The following LPL variants were observed in gnomAD, a reference collection of about 807,000 sequenced individuals.
LPL encodes the protein lipoprotein lipase.
A neutral mutation model predicts 52.2 loss-of-function variants in LPL; 43 were observed. The observed-to-expected ratio is 0.82, with a 90% CI of 0.64 to 1.06. The LOEUF (loss-of-function observed/expected upper bound fraction) is 1.06. Ranked by LOEUF, LPL falls within the 50% of genes least tolerant of loss-of-function variation. The probability of loss-of-function intolerance (pLI) is 0.00; values close to 1 mark genes in which losing one functional copy is unlikely to be tolerated. For synonymous variants in LPL, 244 were observed against 215.6 expected, an observed-to-expected ratio of 1.13 and a Z score of -1.15; for missense variants, 639 against 585.3, an observed-to-expected ratio of 1.09 and a Z score of -0.95.
At position 19,944,998 on chromosome 8, in the gene LPL, C is replaced by A. The variant is rs187658718; in HGVS notation, c.89-3182C>A. 5.7e-4 allele frequency among the ~76,000 whole-genome samples: 87 copies of A among 152,120 alleles called. No homozygotes were observed. The highest frequency in any genetic ancestry group is 2.0e-3 in the African/African-American group (83 of 41,490). On this transcript the variant is annotated intron_variant, in intron 1 of 9. Coordinates refer to ENST00000650287, the MANE Select transcript of LPL (RefSeq NM_000237.3). This position sits in a 1 kb window ranked among gnomAD's most constrained non-coding sequence, Gnocchi z 4.2. ...CTTCCCCTTCTTCCTTCCTTCCTTCCTTCCCTCCATCCCTCCCTCCTGTAC... is the reference window on the plus strand; with the variant it reads ...CTTCCCCTTCTTCCTTCCTTCCTTCATTCCCTCCATCCCTCCCTCCTGTAC...
At chr8:19,955,799 A>G (rs755438453) in intron 5 of LPL, 42 bp from the exon 6 acceptor site, 3 of 1,613,880 alleles carry the variant, frequency 1.9e-6, no homozygotes, top group Non-Finnish European at 2.5e-6. Context: ...CTCTTTGTGA[A>G]TTTCTGCCGA....
Position 19,965,753 on chromosome 8 carries a change from TTTTCC to T in LPL, c.*444_*448del. ...AAGTCTCCAAGAATACAGAAAATGC[TTTTCC>T]GCGGCACGAATCAGACTCATCTACA... On this transcript the variant is annotated 3_prime_UTR_variant, in exon 10 of 10. Coordinates refer to ENST00000650287, the MANE Select transcript of LPL (RefSeq NM_000237.3). The T allele has an allele frequency of 6.1e-6, 1 of 163,346 alleles. No individual in the cohort carries two copies. The highest frequency in any genetic ancestry group is 1.3e-5 in the Non-Finnish European group (1 of 75,134). 10.1% of individuals were successfully genotyped at this position (163,346 alleles called of 1,614,324 possible).
intron 2 of LPL, 111 bp from the exon 3 acceptor site, chr8:19,951,658 T>C (rs1054964540): frequency 5.4e-5 from 62 of 1,151,076 alleles, no homozygotes; most frequent in Admixed American, 1.2e-4. Context: ...TCTGTGCCAA[T>C]GGGTTTCCAA....
At chr8:19,954,620 C>T (rs1713973414) in intron 5 of LPL, among the ~76,000 whole-genome samples, 1 of 152,128 alleles carries the variant, frequency 6.6e-6, no homozygotes, top group South Asian at 2.1e-4. Flanking sequence ...CAGGAAGACT[C>T]CACTGACCTC....
Position 19,965,365 on chromosome 8 carries a change from G to C in LPL, c.*55G>C. On this transcript the variant is annotated 3_prime_UTR_variant, in exon 10 of 10. Coordinates refer to ENST00000650287, the MANE Select transcript of LPL (RefSeq NM_000237.3). Reference sequence around the variant, plus strand: ...GCATGTGAATTCTGTGAAGAATGAAGTGGAGGAAGTAACTTTTACAAAACA... The same window carrying C: ...GCATGTGAATTCTGTGAAGAATGAACTGGAGGAAGTAACTTTTACAAAACA... 1.3e-6 allele frequency: 1 copy of C among 780,204 alleles called. No individual in the cohort carries two copies. Among genetic ancestry groups the C allele is most frequent in the Non-Finnish European group, 2.4e-6 (1 of 417,858 alleles). 48.3% of individuals were successfully genotyped at this position (780,204 alleles called of 1,614,324 possible). A position where few individuals can be genotyped will look rare whatever the true frequency, so the allele number is the denominator to read the frequency against.
chr8:19,963,301 C>T lies in LPL; in HGVS notation c.1427+1082C>T, dbSNP rs765941587. On this transcript the variant is annotated intron_variant, in intron 9 of 9. Transcript: ENST00000650287. ...AAATATAAAAATTAGCTGGGTGTGG[C>T]GGCACATGCCTGTAATCCCAGCTAC... 9.2e-5 allele frequency among the ~76,000 whole-genome samples: 14 copies of T among 151,930 alleles called. 1 individual carries two copies. The highest frequency in any genetic ancestry group is 1.9e-4 in the East Asian group (1 of 5,162).
Position 19,955,966 on chromosome 8 carries a change from C to A in LPL, c.901C>A (p.Leu301Ile). The change falls in exon 6 of 10, where the codon CTC becomes ATC. Residue 301 changes from leucine to isoleucine, a missense_variant. Physicochemically the swap from Leu to Ile is conservative, Grantham distance 5. Transcript: ENST00000650287. ...CSSKEAFEKG[L>I]CLSCRKNRCN... ...TTCCAAGGAAGCCTTTGAGAAAGGG[C>A]TCTGCTTGAGTTGTAGAAAGAACCG... 1 of 1,614,160 alleles carries A rather than the reference C, an allele frequency of 6.2e-7. No individual in the cohort carries two copies. Among genetic ancestry groups the A allele is most frequent in the Non-Finnish European group, 8.5e-7 (1 of 1,180,034 alleles).
intron 1 of LPL, among the ~76,000 whole-genome samples, chr8:19,940,078 C>T (rs1020489947): frequency 6.6e-6 from 1 of 152,196 alleles, no homozygotes; most frequent in Non-Finnish European, 1.5e-5. Context: ...GTACGCTCGC[C>T]CTCGGCGGGG....
At chr8:19,961,892 G>A (rs1453585608) in intron 8 of LPL, among the ~76,000 whole-genome samples, 1 of 152,238 alleles carries the variant, frequency 6.6e-6, no homozygotes, top group East Asian at 1.9e-4. Context: ...CTGCATGCCT[G>A]TCTATCTAAA....
At position 19,939,380 on chromosome 8, in the gene LPL, G is replaced by A. The variant is rs2069808365; in HGVS notation, c.-61G>A. 5.9e-6 allele frequency: 9 copies of A among 1,521,020 alleles called. No individual in the cohort carries two copies. Among genetic ancestry groups the A allele is most frequent in the Non-Finnish European group, 7.1e-6 (8 of 1,120,258 alleles). 94.2% of individuals were successfully genotyped at this position (1,521,020 alleles called of 1,614,324 possible). A position where few individuals can be genotyped will look rare whatever the true frequency, so the allele number is the denominator to read the frequency against. ...CGGCTCCAGCCCTCTCCAGCCTCCG[G>A]CTCAGCCGGCTCATCAGTCGGTCCG... On this transcript the variant is annotated 5_prime_UTR_variant, in exon 1 of 10. Transcript: ENST00000650287. This position sits in a 1 kb window ranked among gnomAD's most constrained non-coding sequence, Gnocchi z 4.0.
rs1247048146 is a variant in LPL, at chr8:19,950,507, T to G, written c.250-1262T>G. Among the ~76,000 whole-genome samples the G allele has an allele frequency of 6.6e-6, 1 of 152,178 alleles. No homozygotes were observed. The highest frequency in any genetic ancestry group is 6.5e-5 in the Admixed American group (1 of 15,284). ...TCCAGCCTTTTTAGATTGCTTAACT[T>G]GGAAACACTGGGCTGGGAGCGGTGG... is the stretch of plus-strand genomic sequence containing the variant. On this transcript the variant is annotated intron_variant, in intron 2 of 9. Coordinates refer to ENST00000650287, the MANE Select transcript of LPL (RefSeq NM_000237.3). This position sits in a 1 kb window ranked among gnomAD's most constrained non-coding sequence, Gnocchi z 4.2.
At position 19,955,240 on chromosome 8, in the gene LPL, A is replaced by G. The variant is rs1178590295; in HGVS notation, c.776-601A>G. Among the ~76,000 whole-genome samples, 7 of 152,322 alleles carry G rather than the reference A, an allele frequency of 4.6e-5. No homozygotes were observed. The South Asian group carries it at 1.4e-3, about 32-fold the overall frequency. On this transcript the variant is annotated intron_variant, in intron 5 of 9. Coordinates refer to ENST00000650287, the MANE Select transcript of LPL (RefSeq NM_000237.3). The stretch of plus-strand genomic sequence containing the variant: ...TCAATTGTACATAATATCAATGATA[A>G]AATACAATTCATTTAACAATTACCC...
chr8:19,950,879 G>GGAAGGAAGGAAGGAATGA lies in LPL; in HGVS notation c.250-890_250-889insGAAGGAAGGAAGGAATGA, dbSNP rs1485070712. Among the ~76,000 whole-genome samples the GGAAGGAAGGAAGGAATGA allele has an allele frequency of 1.6e-5, 2 of 127,562 alleles. No homozygotes were observed. The highest frequency in any genetic ancestry group is 3.4e-5 in the Non-Finnish European group (2 of 58,832). 83.7% of individuals were successfully genotyped at this position (127,562 alleles called of 152,430 possible). On this transcript the variant is annotated intron_variant, in intron 2 of 9. Coordinates refer to ENST00000650287, the MANE Select transcript of LPL (RefSeq NM_000237.3). The surrounding 1 kb of genome is among the most constrained non-coding windows in gnomAD (Gnocchi z 4.2). ...GGAAGGAGGAAGGGAAGGAGGGAGG[G>GGAAGGAAGGAAGGAATGA]AGGAAGGAAGGAAGGAATGAAGGAA...
rs1219837805 is a variant in LPL, at chr8:19,950,292, A to G, written c.250-1477A>G. On this transcript the variant is annotated intron_variant, in intron 2 of 9. Coordinates refer to ENST00000650287, the MANE Select transcript of LPL (RefSeq NM_000237.3). The surrounding 1 kb of genome is among the most constrained non-coding windows in gnomAD (Gnocchi z 4.2). ...AAACATAGTAATTATTGAACCTCAG[A>G]AGAAAAACTCAGATTGAAAGAACTT... Among the ~76,000 whole-genome samples, 3 of 152,270 alleles carry G rather than the reference A, an allele frequency of 2.0e-5. No individual in the cohort carries two copies. Among genetic ancestry groups the G allele is most frequent in the African/African-American group, 7.2e-5 (3 of 41,472 alleles).
chr8:19,957,131 CCTT>C (rs2069992723), intron 6 of LPL, among the ~76,000 whole-genome samples: 1 of 152,188 alleles, frequency 6.6e-6, no homozygotes, highest in African/African-American at 2.4e-5. Context: ...ATATCTCACA[CCTT>C]CTAAGATACT....
At chr8:19,959,510 A>G in intron 7 of LPL, 130 bp downstream of exon 7, 1 of 1,187,544 alleles carries the variant, frequency 8.4e-7, no homozygotes, top group South Asian at 1.7e-5. Context: ...GAATTTCAAA[A>G]TTGAGGTCTT....
In LPL at chr8:19,950,214, T is replaced by C. The variant is rs1374498990; in HGVS notation, c.250-1555T>C. ...GCAGGGTCAGGTGGCCCACCTGGTATAGGCAGCAGGGAGGGCTTCAGTTCA... is the reference window on the plus strand; with the variant it reads ...GCAGGGTCAGGTGGCCCACCTGGTACAGGCAGCAGGGAGGGCTTCAGTTCA... On this transcript the variant is annotated intron_variant, in intron 2 of 9. Coordinates refer to ENST00000650287, the MANE Select transcript of LPL (RefSeq NM_000237.3). This position sits in a 1 kb window ranked among gnomAD's most constrained non-coding sequence, Gnocchi z 4.2. Among the ~76,000 whole-genome samples the C allele has an allele frequency of 6.6e-6, 1 of 152,198 alleles. No homozygotes were observed. The highest frequency in any genetic ancestry group is 1.5e-5 in the Non-Finnish European group (1 of 68,028).
In LPL at chr8:19,965,502, A is replaced by G. The variant is rs1029700218; in HGVS notation, c.*192A>G. 3.5e-6 allele frequency: 2 copies of G among 577,020 alleles called. No homozygotes were observed. The highest frequency in any genetic ancestry group is 6.2e-6 in the Non-Finnish European group (2 of 323,102). The allele number at this position is 577,020 out of a possible 1,614,324, so 35.7% of individuals were successfully genotyped here. A position where few individuals can be genotyped will look rare whatever the true frequency, so the allele number is the denominator to read the frequency against. ...TCAAGCACTAAAAAGTGGCTAATTCAATTTATGGGGTATAGTGGCCAAATA... is the reference window on the plus strand; with the variant it reads ...TCAAGCACTAAAAAGTGGCTAATTCGATTTATGGGGTATAGTGGCCAAATA... On this transcript the variant is annotated 3_prime_UTR_variant, in exon 10 of 10. Transcript: ENST00000650287.
intron 3 of LPL, among the ~76,000 whole-genome samples, chr8:19,952,869 A>G (rs1163224695): frequency 6.6e-6 from 1 of 152,218 alleles, no homozygotes; most frequent in Non-Finnish European, 1.5e-5. Flanking sequence ...ATATATACCC[A>G]TATACTATAC....
Sources: gnomAD v4.1 joint callset for allele counts (sites outside exome capture counted in the v4.1 genomes callset) on GRCh38, gnomAD v4.1.1 for gene constraint, Gnocchi (gnomAD v3.1) non-coding constraint, MANE v1.5 for transcripts, NCBI Gene and HGNC (gene_info 2026-07-23, HGNC 2026-07-21) for gene names.